The following MAPK10 variants were observed in gnomAD, a reference collection of about 807,000 sequenced individuals.
MAPK10 encodes the protein JNK3 alpha protein kinase.
MAPK10 carries 25 observed loss-of-function variants against 59.3 expected under a neutral mutation model. The observed-to-expected ratio is 0.42, with a 90% CI of 0.31 to 0.59. MAPK10 has a LOEUF of 0.59. Among genes scored for constraint, MAPK10 ranks in the 20% least tolerant of loss-of-function variants. The pLI, the probability that MAPK10 is intolerant of heterozygous loss-of-function variation, is 0.15. For missense variants in MAPK10, 351 were observed against 568.9 expected (o/e 0.62, Z 3.90); for synonymous variants, 190 against 200.5 (o/e 0.95, Z 0.44).
upstream of MAPK10, among the ~76,000 whole-genome samples, chr4:86,453,866 C>T (rs893311649): frequency 1.3e-5 from 2 of 152,080 alleles, no homozygotes; most frequent in South Asian, 4.1e-4. Flanking sequence ...TCCTTTTCAC[C>T]AGTCTGCCAC....
intron 13 of MAPK10, among the ~76,000 whole-genome samples, chr4:86,023,180 C>T (rs1418413269): frequency 7.2e-5 from 11 of 152,158 alleles, no homozygotes; most frequent in Admixed American, 6.5e-4. Context: ...CATCCCAGCA[C>T]CATATATTGA....
chr4:86,261,282 T>C (rs1177170796), intron 2 of MAPK10, among the ~76,000 whole-genome samples: 3 of 152,246 alleles, frequency 2.0e-5, no homozygotes, highest in Non-Finnish European at 2.9e-5. Flanking sequence ...TTGAATCACT[T>C]TGACAATTTA....
intron 1 of MAPK10, among the ~76,000 whole-genome samples, 176 bp downstream of exon 1, chr4:86,359,482 A>G (rs1736365088): frequency 6.6e-6 from 1 of 151,960 alleles, no homozygotes; most frequent in Non-Finnish European, 1.5e-5. Context: ...TTCTGCACAG[A>G]GGGAAAAACT....
intron 3 of MAPK10, chr4:86,175,944 G>A (rs1292435582): frequency 1.3e-5 from 2 of 151,978 alleles, no homozygotes; most frequent in African/African-American, 4.8e-5. Flanking sequence ...GACCTTTATT[G>A]AATGAGTTAG....
At chr4:86,352,243 A>G (rs1429051659) in intron 2 of MAPK10, 1 of 151,978 alleles carries the variant, frequency 6.6e-6, no homozygotes, top group African/African-American at 2.4e-5. Flanking sequence ...ACTAATATAT[A>G]TAAACATAAA....
intron 1 of MAPK10, among the ~76,000 whole-genome samples, chr4:86,463,593 T>C (rs1751941032): frequency 6.6e-6 from 1 of 152,200 alleles, no homozygotes; most frequent in South Asian, 2.1e-4. Context: ...CTGCTACTCC[T>C]TACTCCTACT....
At chr4:86,423,793 A>ATATATATATATATATATG (rs1564842450) in intron 1 of MAPK10, among the ~76,000 whole-genome samples, 6 of 146,320 alleles carry the variant, frequency 4.1e-5, no homozygotes, top group African/African-American at 1.5e-4. Flanking sequence ...ATATATATAT[A>ATATATATATATATATATG]TATGTTTAGG....
intron 1 of MAPK10, among the ~76,000 whole-genome samples, chr4:86,578,346 G>A (rs778766197): frequency 5.3e-5 from 8 of 152,124 alleles, no homozygotes; most frequent in Admixed American, 1.3e-4. Flanking sequence ...AAAAGGAATG[G>A]CAGTGGGAGA....
intron 9 of MAPK10, among the ~76,000 whole-genome samples, chr4:86,070,491 C>T (rs1262061836): frequency 6.6e-6 from 1 of 151,176 alleles, no homozygotes; most frequent in African/African-American, 2.4e-5. Context: ...GCTGCACCCA[C>T]TAACTCGTCA....
At chr4:86,580,357 G>T (rs1762177699) in intron 1 of MAPK10, among the ~76,000 whole-genome samples, 1 of 151,840 alleles carries the variant, frequency 6.6e-6, no homozygotes, top group Non-Finnish European at 1.5e-5. Context: ...AAATTAGCCG[G>T]GCATGGTGGC....
At chr4:86,490,861 C>T (rs1754403990) in intron 1 of MAPK10, among the ~76,000 whole-genome samples, 7 of 152,312 alleles carry the variant, frequency 4.6e-5, no homozygotes, top group Admixed American at 4.6e-4. Flanking sequence ...TCAGCTCCAA[C>T]TTAAGAAGGA....
chr4:86,094,601 G>A (rs927450146), intron 9 of MAPK10, among the ~76,000 whole-genome samples: 9 of 151,812 alleles, frequency 5.9e-5, no homozygotes, highest in African/African-American at 2.2e-4. Flanking sequence ...TTTGAGGAAA[G>A]GACTCATGAA....
chr4:86,212,245 T>C (rs936015182), intron 2 of MAPK10, among the ~76,000 whole-genome samples: 6 of 152,096 alleles, frequency 3.9e-5, no homozygotes, highest in African/African-American at 1.4e-4. Flanking sequence ...AGTCAGAGGA[T>C]GGAAAAATAT....
At chr4:86,462,949 T>C (rs1751876895) in intron 1 of MAPK10, among the ~76,000 whole-genome samples, 1 of 152,164 alleles carries the variant, frequency 6.6e-6, no homozygotes, top group African/African-American at 2.4e-5. Flanking sequence ...GCCTCCAGAA[T>C]CTATACCTTT....
At chr4:86,327,245 G>A (rs566452231) in intron 2 of MAPK10, 12 of 152,034 alleles carry the variant, frequency 7.9e-5, no homozygotes, top group Non-Finnish European at 1.3e-4. Flanking sequence ...AAAGTGCCGG[G>A]ATTATAGGCA....
At chr4:86,442,589 T>C (rs576484348) in intron 1 of MAPK10, among the ~76,000 whole-genome samples, 4 of 152,218 alleles carry the variant, frequency 2.6e-5, no homozygotes, top group Non-Finnish European at 5.9e-5. Context: ...ATCACTATCC[T>C]AAGATGGTAT....
intron 2 of MAPK10, among the ~76,000 whole-genome samples, chr4:86,200,954 T>G (rs896542349): frequency 3.9e-5 from 6 of 151,926 alleles, no homozygotes; most frequent in Admixed American, 6.6e-5. Context: ...TGCTTCAATC[T>G]GATTATATTT....
intron 1 of MAPK10, among the ~76,000 whole-genome samples, chr4:86,376,534 G>A (rs1578977238): frequency 6.6e-6 from 1 of 152,176 alleles, no homozygotes; most frequent in African/African-American, 2.4e-5. Flanking sequence ...TTGAATAAAG[G>A]TTATGGTCTC....
intron 2 of MAPK10, among the ~76,000 whole-genome samples, chr4:86,264,000 C>T (rs556196539): frequency 1.2e-3 from 179 of 152,244 alleles, no homozygotes; most frequent in Non-Finnish European, 1.2e-3. Flanking sequence ...TTCACAATAA[C>T]AAATTATCAC....
Sources: gnomAD v4.1 joint callset for allele counts (sites outside exome capture counted in the v4.1 genomes callset) on GRCh38, gnomAD v4.1.1 for gene constraint, MANE v1.5 for transcripts, NCBI Gene and HGNC (gene_info 2026-07-23, HGNC 2026-07-21) for gene names.